WWP1: variants seen among roughly 807,000 people sequenced by gnomAD.
The protein encoded by WWP1 is NEDD4-like E3 ubiquitin-protein ligase WWP1.
A neutral mutation model predicts 130.6 loss-of-function variants in WWP1; 49 were observed. The ratio of observed to expected loss-of-function variants is 0.38; its 90% CI spans 0.30 to 0.48. The LOEUF (loss-of-function observed/expected upper bound fraction) is 0.48. Among genes scored for constraint, WWP1 ranks in the 20% least tolerant of loss-of-function variants. The pLI, the probability that WWP1 is intolerant of heterozygous loss-of-function variation, is 0.99. For synonymous variants in WWP1, 332 were observed against 367.8 expected (o/e 0.90, Z 1.11); for missense variants, 809 against 1,100.6 (o/e 0.74, Z 3.75).
intron 20 of WWP1, among the ~76,000 whole-genome samples, chr8:86,451,229 A>T (rs1455548238): frequency 6.1e-5 from 3 of 48,894 alleles, no homozygotes; most frequent in Admixed American, 5.4e-4. Context: ...AAAAAAAAAA[A>T]AAAAAAAAAA....
rs777645430 is a variant in WWP1, at chr8:86,466,552, T to TA, written c.2670-239dup. ...AAGAAAATGGATTTTTTTTTTTTTTTAAATTTGTCTTTATCCATATTGCTA... is the reference window on the plus strand; with the variant it reads ...AAGAAAATGGATTTTTTTTTTTTTTTAAAATTTGTCTTTATCCATATTGCTA... On this transcript the variant is annotated intron_variant, in intron 24 of 24. Coordinates refer to ENST00000517970, the MANE Select transcript of WWP1 (RefSeq NM_007013.4). Among the ~76,000 whole-genome samples the TA allele has an allele frequency of 2.4e-4, 36 of 149,144 alleles. 1 individual carries two copies. In the East Asian group the frequency reaches 3.3e-3, roughly 14 times the overall value.
At chr8:86,363,238 A>G (rs560008573) in intron 1 of WWP1, among the ~76,000 whole-genome samples, 4 of 152,164 alleles carry the variant, frequency 2.6e-5, no homozygotes, top group Non-Finnish European at 5.9e-5. Flanking sequence ...GGTTAATGTC[A>G]GGTTACTTTT....
intron 3 of WWP1, among the ~76,000 whole-genome samples, chr8:86,375,234 A>G (rs761359679): frequency 2.0e-5 from 3 of 152,064 alleles, no homozygotes; most frequent in African/African-American, 4.8e-5. Flanking sequence ...CCATGTTTTA[A>G]TGTACTTTAG....
chr8:86,374,835 A>T lies in WWP1; in HGVS notation c.70+715A>T, dbSNP rs1824537468. ...AGTGATCCTCGTGCTTCAGCCTCCC[A>T]AGTAGTTGGGACTGCAGATGTTCAA... On this transcript the variant is annotated intron_variant, in intron 3 of 24. Transcript: ENST00000517970. 2.0e-5 allele frequency among the ~76,000 whole-genome samples: 3 copies of T among 151,918 alleles called. No homozygotes were observed. The South Asian group carries it at 6.2e-4, about 32-fold the overall frequency.
intron 1 of WWP1, among the ~76,000 whole-genome samples, chr8:86,360,184 A>G (rs1033217182): frequency 6.6e-6 from 1 of 151,992 alleles, no homozygotes; most frequent in African/African-American, 2.4e-5. Context: ...TCCTCTAAAC[A>G]TCTTTTACGC....
At chr8:86,345,714 T>G (rs921286905) in intron 1 of WWP1, among the ~76,000 whole-genome samples, 17 of 152,138 alleles carry the variant, frequency 1.1e-4, no homozygotes, top group Admixed American at 1.0e-3. Flanking sequence ...CCGGGCCTAC[T>G]GGGAGCTTTT....
At chr8:86,346,708 TG>T (rs1216547478) in intron 1 of WWP1, among the ~76,000 whole-genome samples, 16 of 152,234 alleles carry the variant, frequency 1.1e-4, no homozygotes, top group Non-Finnish European at 1.5e-5. Flanking sequence ...GAAAGACTGT[TG>T]TTTTTTACTC....
At chr8:86,425,445 A>T in intron 10 of WWP1, 127 bp downstream of exon 10, 1 of 582,142 alleles carries the variant, frequency 1.7e-6, no homozygotes, top group Non-Finnish European at 2.8e-6. Flanking sequence ...ATTTCCTTAT[A>T]TAAATAATGA....
chr8:86,390,134 A>G (rs948004152), intron 5 of WWP1, among the ~76,000 whole-genome samples: 4 of 144,240 alleles, frequency 2.8e-5, no homozygotes, highest in Admixed American at 6.9e-5. Flanking sequence ...ATCTCAGACG[A>G]TGGGCAGCCG....
At chr8:86,461,504 C>T (rs1186757196) in intron 23 of WWP1, 184 bp downstream of exon 23, 1 of 635,348 alleles carries the variant, frequency 1.6e-6, no homozygotes, top group Non-Finnish European at 2.8e-6. Flanking sequence ...TGAATGTGTC[C>T]TCATATAGCT....
chr8:86,382,991 C>T (rs1180941968), intron 5 of WWP1, among the ~76,000 whole-genome samples: 2 of 152,038 alleles, frequency 1.3e-5, no homozygotes, highest in African/African-American at 2.4e-5. Flanking sequence ...CCACATGTAA[C>T]TTAAAGATCT....
chr8:86,359,308 A>G (rs1823430824), intron 1 of WWP1, among the ~76,000 whole-genome samples: 1 of 152,148 alleles, frequency 6.6e-6, no homozygotes. Flanking sequence ...TATGCTATAA[A>G]CAACTCTAAC....
Position 86,464,253 on chromosome 8 carries a change from T to C in WWP1, c.2669+2407T>C, listed in dbSNP as rs181434133. 3.1e-3 allele frequency among the ~76,000 whole-genome samples: 466 copies of C among 152,276 alleles called. 2 individuals are homozygous for C. Among genetic ancestry groups the C allele is most frequent in the African/African-American group, 0.011 (444 of 41,552 alleles). The stretch of plus-strand genomic sequence containing the variant: ...CTCCATTTCTAACTATTTATCTGTG[T>C]GGGGCTATAGATTAAATGTACAACT... On this transcript the variant is annotated intron_variant, in intron 24 of 24. Coordinates refer to ENST00000517970, the MANE Select transcript of WWP1 (RefSeq NM_007013.4).
At chr8:86,370,077 C>T (rs184161148) in intron 2 of WWP1, among the ~76,000 whole-genome samples, 1 of 152,152 alleles carries the variant, frequency 6.6e-6, no homozygotes, top group East Asian at 1.9e-4. Flanking sequence ...TTTCCCAGCC[C>T]CTAAAGTAAG....
intron 2 of WWP1, among the ~76,000 whole-genome samples, chr8:86,371,057 T>TAGAG (rs2130291332): frequency 6.7e-6 from 1 of 148,448 alleles, no homozygotes; most frequent in African/African-American, 2.5e-5. Flanking sequence ...TTTTTTTTTT[T>TAGAG]GGTAGAGGCG....
intron 9 of WWP1, among the ~76,000 whole-genome samples, chr8:86,419,122 T>C (rs987089405): frequency 1.3e-5 from 2 of 152,178 alleles, no homozygotes; most frequent in Non-Finnish European, 2.9e-5. Flanking sequence ...AATACTGTTT[T>C]AAGATATCAG....
At chr8:86,362,962 ATTAT>A in intron 1 of WWP1, among the ~76,000 whole-genome samples, 1 of 152,308 alleles carries the variant, frequency 6.6e-6, no homozygotes, top group East Asian at 1.9e-4. Flanking sequence ...CGTATTTAAT[ATTAT>A]TTAATATTTT....
chr8:86,390,248 C>T (rs1306875369), intron 5 of WWP1, among the ~76,000 whole-genome samples: 4 of 143,282 alleles, frequency 2.8e-5, no homozygotes, highest in Non-Finnish European at 4.6e-5. Context: ...ACATCCCAGA[C>T]GACGGGCGGC....
In WWP1 at chr8:86,461,851, G is replaced by C; in HGVS notation, c.2669+5G>C. ...GTTACCAAGAAGCCATACATGGTAA[G>C]TTCAAGAATCCTAAATACGAAGGTG... is the stretch of plus-strand genomic sequence containing the variant. On this transcript the variant is annotated splice_donor_5th_base_variant and intron_variant, in intron 24 of 24. Coordinates refer to ENST00000517970, the MANE Select transcript of WWP1 (RefSeq NM_007013.4). 1 of 1,608,878 alleles carries C rather than the reference G, an allele frequency of 6.2e-7. No individual in the cohort carries two copies.
Sources: gnomAD v4.1 joint callset for allele counts (sites outside exome capture counted in the v4.1 genomes callset) on GRCh38, gnomAD v4.1.1 for gene constraint, MANE v1.5 for transcripts, NCBI Gene and HGNC (gene_info 2026-07-23, HGNC 2026-07-21) for gene names.